Variants in DNAJC1 observed in about 807,000 individuals in gnomAD.
DNAJC1 encodes dnaJ homolog subfamily C member 1.
Under a neutral mutation model 76.6 loss-of-function variants are expected in DNAJC1, and 58 were observed. The ratio of observed to expected loss-of-function variants is 0.76; its 90% CI spans 0.61 to 0.94. The LOEUF (loss-of-function observed/expected upper bound fraction) is 0.94, where lower values mean the gene tolerates loss of function less well. Among genes scored for constraint, DNAJC1 ranks in the 40% least tolerant of loss-of-function variants. The pLI is 0.00. For synonymous variants in DNAJC1, 258 were observed against 267.9 expected, an observed-to-expected ratio of 0.96 and a Z score of 0.36; for missense variants, 689 against 677.3, an observed-to-expected ratio of 1.02 and a Z score of -0.19.
At chr10:21,898,455 T>C (rs1009767551) in intron 7 of DNAJC1, among the ~76,000 whole-genome samples, 5 of 152,166 alleles carry the variant, frequency 3.3e-5, no homozygotes, top group Non-Finnish European at 7.4e-5. Context: ...GCACTGCCAG[T>C]TATATAAAAG....
At chr10:21,784,065 G>A (rs1414583006) in intron 9 of DNAJC1, among the ~76,000 whole-genome samples, 1 of 152,056 alleles carries the variant, frequency 6.6e-6, no homozygotes, top group Non-Finnish European at 1.5e-5. Flanking sequence ...ATCTAAATAA[G>A]CTAAACAGCT....
At position 21,759,421 on chromosome 10, in the gene DNAJC1, T is replaced by C. The variant is rs144909313; in HGVS notation, c.1345A>G (p.Arg449Gly). The C allele has an allele frequency of 5.6e-6, 9 of 1,614,170 alleles. No homozygotes were observed. The South Asian group carries it at 7.7e-5, about 14-fold the overall frequency. Residue 449 changes from arginine (R) to glycine (G), a missense_variant, in exon 11 of 12, where the codon AGG (arginine) becomes GGG (glycine). Transcript: ENST00000376980. ...DARPRRRKPA[R>G]LLEATAKPEP... ...GGCTTCGCTGTAGCCTCCAGCAGCC[T>C]GGCTGGCTTCCGCCTCCGAGGCCGG...
At position 21,956,049 on chromosome 10, in the gene DNAJC1, C is replaced by A. The variant is rs963625045; in HGVS notation, c.223-26908G>T. 8.5e-5 allele frequency among the ~76,000 whole-genome samples: 13 copies of A among 152,262 alleles called. No homozygotes were observed. In the East Asian group the frequency reaches 2.5e-3, roughly 29 times the overall value. ...GATGCTCTAACAATACCCGAGACTG[C>A]GTAATTTATAAAGAACAGAGATTTA... On this transcript the variant is annotated intron_variant, in intron 1 of 11. Coordinates refer to ENST00000376980, the MANE Select transcript of DNAJC1 (RefSeq NM_022365.4).
chr10:21,937,185 T>C (rs1215918597), intron 1 of DNAJC1, among the ~76,000 whole-genome samples: 4 of 152,144 alleles, frequency 2.6e-5, no homozygotes, highest in African/African-American at 2.4e-5. Context: ...ACTCTACTGA[T>C]GATGGCAAGA....
At chr10:21,895,798 GT>G (rs1455671116) in intron 7 of DNAJC1, among the ~76,000 whole-genome samples, 2 of 152,162 alleles carry the variant, frequency 1.3e-5, no homozygotes, top group African/African-American at 4.8e-5. Context: ...AGAGCACCAG[GT>G]CCTTGAGGGC....
At chr10:21,793,921 C>A (rs755652230) in intron 9 of DNAJC1, among the ~76,000 whole-genome samples, 28 of 151,890 alleles carry the variant, frequency 1.8e-4, no homozygotes, top group Non-Finnish European at 3.1e-4. Flanking sequence ...CCACTGCATT[C>A]CAACCTGGGC....
intron 8 of DNAJC1, among the ~76,000 whole-genome samples, chr10:21,832,282 C>T (rs1052270917): frequency 1.3e-5 from 2 of 152,004 alleles, no homozygotes; most frequent in Non-Finnish European, 2.9e-5. Flanking sequence ...GGTTCTGATT[C>T]CTCAATTTCT....
intron 1 of DNAJC1, among the ~76,000 whole-genome samples, chr10:21,982,458 T>G (rs1361691767): frequency 6.6e-6 from 1 of 151,898 alleles, no homozygotes; most frequent in East Asian, 1.9e-4. Flanking sequence ...AGAGAGTAAA[T>G]AAACAACCCA....
intron 7 of DNAJC1, among the ~76,000 whole-genome samples, chr10:21,888,408 TC>T (rs1199874602): frequency 1.3e-5 from 2 of 152,128 alleles, no homozygotes; most frequent in African/African-American, 4.8e-5. Flanking sequence ...GGAGTGTAAA[TC>T]ATTCTACCGT....
intron 9 of DNAJC1, among the ~76,000 whole-genome samples, chr10:21,792,704 A>C (rs905638868): frequency 4.7e-5 from 7 of 150,506 alleles, no homozygotes; most frequent in African/African-American, 1.7e-4. Flanking sequence ...GGTTGCAGTG[A>C]GCTGAGATCG....
chr10:21,906,072 T>G (rs1261881866), intron 6 of DNAJC1, among the ~76,000 whole-genome samples: 2 of 152,210 alleles, frequency 1.3e-5, no homozygotes, highest in Non-Finnish European at 2.9e-5. Flanking sequence ...CTATCAGAAC[T>G]CTTCCACCTA....
At chr10:21,928,229 G>A (rs547280197) in intron 3 of DNAJC1, among the ~76,000 whole-genome samples, 1 of 152,184 alleles carries the variant, frequency 6.6e-6, no homozygotes, top group South Asian at 2.1e-4. Context: ...ATCTCCCAGG[G>A]CATAAACACT....
intron 1 of DNAJC1, among the ~76,000 whole-genome samples, chr10:21,940,709 T>A (rs944948694): frequency 3.9e-5 from 6 of 152,138 alleles, no homozygotes; most frequent in Non-Finnish European, 5.9e-5. Context: ...CTCCAAAATA[T>A]AGATAAACAA....
intron 9 of DNAJC1, among the ~76,000 whole-genome samples, chr10:21,795,223 C>T (rs7071519): frequency 0.037 from 5,569 of 152,200 alleles, 171 homozygotes; most frequent in African/African-American, 0.074. Context: ...ATTATTCTAA[C>T]AGCACCAAAG....
chr10:21,986,916 T>C (rs1171078541), intron 1 of DNAJC1, among the ~76,000 whole-genome samples: 4 of 152,074 alleles, frequency 2.6e-5, no homozygotes, highest in African/African-American at 7.2e-5. Flanking sequence ...TATAGACAGC[T>C]GCCACCACAC....
chr10:21,969,418 C>A (rs1170699799), intron 1 of DNAJC1, among the ~76,000 whole-genome samples: 1 of 152,074 alleles, frequency 6.6e-6, no homozygotes. Context: ...GAATTCAGCA[C>A]CAGTGGTTCT....
At chr10:21,840,682 G>A (rs937507174) in intron 8 of DNAJC1, among the ~76,000 whole-genome samples, 4 of 152,124 alleles carry the variant, frequency 2.6e-5, no homozygotes, top group African/African-American at 9.7e-5. Context: ...ACTGCCCAAG[G>A]TAATTTATAG....
intron 8 of DNAJC1, among the ~76,000 whole-genome samples, chr10:21,873,398 T>C (rs368095839): frequency 6.6e-6 from 1 of 151,972 alleles, no homozygotes; most frequent in Non-Finnish European, 1.5e-5. Flanking sequence ...TTTTGAGAAA[T>C]CTTCAATAAG....
chr10:21,798,722 G>A (rs1047623142), intron 9 of DNAJC1, among the ~76,000 whole-genome samples: 6 of 151,922 alleles, frequency 3.9e-5, no homozygotes, highest in African/African-American at 1.5e-4. Context: ...CATGTTACTT[G>A]TCACTACCCA....
Sources: gnomAD v4.1 joint callset for allele counts (sites outside exome capture counted in the v4.1 genomes callset) on GRCh38, gnomAD v4.1.1 for gene constraint, MANE v1.5 for transcripts, NCBI Gene and HGNC (gene_info 2026-07-23, HGNC 2026-07-21) for gene names.